The following PRKAR1A variants were observed in gnomAD, a reference collection of about 807,000 sequenced individuals.
PRKAR1A encodes protein kinase cAMP-dependent type I regulatory subunit alpha.
PRKAR1A carries 3 observed loss-of-function variants against 52.0 expected under a neutral mutation model. That is an observed-to-expected ratio of 0.06 (90% CI 0.03 to 0.15). The LOEUF is 0.15. PRKAR1A is among the 10% of genes least tolerant of loss of function. The pLI is 1.00. For synonymous variants in PRKAR1A, 188 were observed against 168.4 expected (o/e 1.12, Z -0.90); for missense variants, 240 against 477.4 (o/e 0.50, Z 4.63).
the PRKAR1A span, among the ~76,000 whole-genome samples, chr17:68,502,243 C>T: frequency 6.6e-5 from 10 of 152,054 alleles, no homozygotes; most frequent in Non-Finnish European, 1.2e-4. Context: ...AGCTATAAGA[C>T]AATTTAAACT....
At chr17:68,427,830 T>C in the PRKAR1A span, among the ~76,000 whole-genome samples, 362 of 152,316 alleles carry the variant, frequency 2.4e-3, 1 homozygote, top group African/African-American at 8.4e-3. Context: ...TCTGGTGCCC[T>C]GGCCACAGCA....
chr17:68,540,882 C>T (rs773574430), intron 11 of PRKAR1A: 5 of 1,604,874 alleles, frequency 3.1e-6, no homozygotes, highest in Non-Finnish European at 4.3e-6. Flanking sequence ...ATGTCGATGA[C>T]ATTGAGGAGC....
the PRKAR1A span, among the ~76,000 whole-genome samples, chr17:68,445,906 G>A: frequency 6.6e-6 from 1 of 152,172 alleles, no homozygotes; most frequent in African/African-American, 2.4e-5. Flanking sequence ...CAAGCCCTGG[G>A]CTCTCCCCGG....
In PRKAR1A at chr17:68,532,192, C is replaced by A; in HGVS notation, c.*1743C>A. The A allele has an allele frequency of 9.6e-7, 1 of 1,038,502 alleles. No individual in the cohort carries two copies. Among genetic ancestry groups the A allele is most frequent in the Non-Finnish European group, 1.2e-6 (1 of 855,122 alleles). The allele number at this position is 1,038,502 out of a possible 1,614,324, so 64.3% of individuals were successfully genotyped here. ...TGATCTGTACTTTGTGTTTAGCTAC[C>A]TTTTTATATTTAAAAAATTAAAAAT... On this transcript the variant is annotated 3_prime_UTR_variant, in exon 11 of 11. Transcript: ENST00000589228.
At chr17:68,467,375 A>G in the PRKAR1A span, among the ~76,000 whole-genome samples, 1 of 152,242 alleles carries the variant, frequency 6.6e-6, no homozygotes, top group Non-Finnish European at 1.5e-5. Flanking sequence ...TTACATTCCT[A>G]TAGCAGCATA....
the PRKAR1A span, among the ~76,000 whole-genome samples, chr17:68,424,156 A>G: frequency 1.3e-5 from 2 of 152,240 alleles, no homozygotes; most frequent in Non-Finnish European, 1.5e-5. Flanking sequence ...GCAGCATGCC[A>G]ACAGAGGTTT....
the PRKAR1A span, among the ~76,000 whole-genome samples, chr17:68,445,769 A>C: frequency 6.6e-6 from 1 of 152,222 alleles, no homozygotes; most frequent in Non-Finnish European, 1.5e-5. Flanking sequence ...GGTGTCAGGA[A>C]GGCATTTCTG....
chr17:68,507,325 G>T (rs554230243), upstream of PRKAR1A, among the ~76,000 whole-genome samples: 11 of 152,332 alleles, frequency 7.2e-5, no homozygotes, highest in East Asian at 2.1e-3. Context: ...GCCATAAAAA[G>T]GAATGAGATC....
chr17:68,521,356 A>C (rs753629600), intron 2 of PRKAR1A, among the ~76,000 whole-genome samples: 4 of 152,202 alleles, frequency 2.6e-5, no homozygotes, highest in Non-Finnish European at 4.4e-5. Flanking sequence ...CAGCTTCCCA[A>C]GTAGCTGGGA....
At chr17:68,550,425 G>A (rs1197618930) in intron 11 of PRKAR1A, among the ~76,000 whole-genome samples, 2 of 126,976 alleles carry the variant, frequency 1.6e-5, no homozygotes, top group Non-Finnish European at 3.1e-5. Context: ...CTGTTGCCCA[G>A]GCTGGAGTGC....
chr17:68,433,487 G>C, the PRKAR1A span: 12 of 1,614,086 alleles, frequency 7.4e-6, no homozygotes, highest in African/African-American at 5.3e-5. Flanking sequence ...ACCTGTTCCA[G>C]CTTGAAGATG....
the PRKAR1A span, among the ~76,000 whole-genome samples, chr17:68,434,980 T>C: frequency 6.6e-6 from 1 of 152,044 alleles, no homozygotes; most frequent in African/African-American, 2.4e-5. Flanking sequence ...GGCGGGTGGA[T>C]TGCCTGAGCT....
chr17:68,466,822 A>G, the PRKAR1A span, among the ~76,000 whole-genome samples: 6 of 152,318 alleles, frequency 3.9e-5, no homozygotes, highest in Admixed American at 6.5e-5. Flanking sequence ...GGTGACATCT[A>G]GTGCGTTCAC....
the PRKAR1A span, chr17:68,430,215 C>A: frequency 6.5e-7 from 1 of 1,538,932 alleles, no homozygotes; most frequent in Admixed American, 2.1e-5. Context: ...CCACACGCAC[C>A]CAGGAATCTC....
Position 68,532,963 on chromosome 17 carries a change from T to C in PRKAR1A, c.*2514T>C. On this transcript the variant is annotated 3_prime_UTR_variant, in exon 11 of 11. Coordinates refer to ENST00000589228, the MANE Select transcript of PRKAR1A (RefSeq NM_002734.5). ...TCTCAAAATCTTGCTTAAAGGGTAA[T>C]TGAGATGTAGCAGATTTATTTACTT... 1 of 1,065,802 alleles carries C rather than the reference T, an allele frequency of 9.4e-7. No individual in the cohort carries two copies. Among genetic ancestry groups the C allele is most frequent in the South Asian group, 4.6e-5 (1 of 21,968 alleles). 66.0% of individuals were successfully genotyped at this position (1,065,802 alleles called of 1,614,324 possible).
At chr17:68,436,474 A>G in the PRKAR1A span, 1 of 1,613,878 alleles carries the variant, frequency 6.2e-7, no homozygotes, top group Non-Finnish European at 8.5e-7. Context: ...GAGAGAGCAC[A>G]TAGACCTGGC....
intron 11 of PRKAR1A, among the ~76,000 whole-genome samples, chr17:68,545,653 A>G (rs759324743): frequency 1.2e-4 from 18 of 152,236 alleles, no homozygotes; most frequent in Non-Finnish European, 2.4e-4. Flanking sequence ...ATCGATTCAC[A>G]AAAGATGTAT....
chr17:68,449,411 G>A, the PRKAR1A span, among the ~76,000 whole-genome samples: 1 of 152,184 alleles, frequency 6.6e-6, no homozygotes, highest in Non-Finnish European at 1.5e-5. Context: ...GGATCCTTGA[G>A]CCCAGGAGTT....
chr17:68,432,816 G>C, the PRKAR1A span, among the ~76,000 whole-genome samples: 1 of 152,170 alleles, frequency 6.6e-6, no homozygotes, highest in Non-Finnish European at 1.5e-5. Flanking sequence ...CCCCCACCGT[G>C]GGGTATGAAA....
Sources: gnomAD v4.1 joint callset for allele counts (sites outside exome capture counted in the v4.1 genomes callset) on GRCh38, gnomAD v4.1.1 for gene constraint, MANE v1.5 for transcripts, NCBI Gene and HGNC (gene_info 2026-07-23, HGNC 2026-07-21) for gene names.